The following PCSK5 variants were observed in gnomAD, a reference collection of about 807,000 sequenced individuals.
The protein encoded by PCSK5 is proprotein convertase subtilisin/kexin type 5, also known as prohormone convertase 5.
PCSK5 carries 129 observed loss-of-function variants against 233.2 expected under a neutral mutation model. That is an observed-to-expected ratio of 0.55 (90% CI 0.48 to 0.64). The LOEUF (loss-of-function observed/expected upper bound fraction) is 0.64. Ranked by LOEUF, PCSK5 falls within the 30% of genes least tolerant of loss-of-function variation. PCSK5 has a pLI of 0.00. For synonymous variants in PCSK5, 825 were observed against 879.2 expected (o/e 0.94, Z 1.09); for missense variants, 2,076 against 2,430.1 (o/e 0.85, Z 3.06).
At position 76,026,990 on chromosome 9, in the gene PCSK5, G is replaced by C. The variant is rs529597302; in HGVS notation, c.585G>C (p.Gly195=). 8 of 1,609,044 alleles carry C rather than the reference G, an allele frequency of 5.0e-6. No homozygotes were observed. The highest frequency in any genetic ancestry group is 8.5e-7 in the Non-Finnish European group (1 of 1,177,416). The change falls in exon 5 of 38, where the codon GGG becomes GGC. Residue 195 remains glycine (G), a synonymous_variant. Coordinates refer to ENST00000674117, the MANE Select transcript of PCSK5 (RefSeq NM_001372043.1). ...YDALASCDVN[G]NDLDPMPRYD... is the part of the protein sequence containing the mutation. ...CTCTGGCAAGTTGCGACGTGAATGGGAATGACTTGGACCCAATGCCTCGTT... is the reference window on the plus strand; with the variant it reads ...CTCTGGCAAGTTGCGACGTGAATGGCAATGACTTGGACCCAATGCCTCGTT...
At chr9:75,995,500 T>C (rs1272750590) in intron 3 of PCSK5, among the ~76,000 whole-genome samples, 1 of 152,212 alleles carries the variant, frequency 6.6e-6, no homozygotes, top group Non-Finnish European at 1.5e-5. Flanking sequence ...TTTTTTGGTA[T>C]GTTTTGGAAG....
intron 2 of PCSK5, among the ~76,000 whole-genome samples, chr9:75,936,925 A>G (rs1412407542): frequency 2.6e-5 from 4 of 152,076 alleles, no homozygotes; most frequent in Non-Finnish European, 5.9e-5. Flanking sequence ...ATTACTCCTT[A>G]ATCCATGAAC....
At chr9:76,155,866 G>A (rs967189718) in intron 10 of PCSK5, among the ~76,000 whole-genome samples, 1 of 152,156 alleles carries the variant, frequency 6.6e-6, no homozygotes, top group Non-Finnish European at 1.5e-5. Flanking sequence ...AGAAAGAGGG[G>A]TTGTCAGGCC....
chr9:76,318,205 C>G (rs1426012444), intron 30 of PCSK5, among the ~76,000 whole-genome samples: 4 of 152,024 alleles, frequency 2.6e-5, no homozygotes, highest in African/African-American at 7.3e-5. Context: ...TCTCAGCAAA[C>G]TAACACAGGA....
At chr9:76,295,890 G>A (rs1173639516) in intron 26 of PCSK5, among the ~76,000 whole-genome samples, 7 of 152,222 alleles carry the variant, frequency 4.6e-5, no homozygotes, top group Non-Finnish European at 2.9e-5. Flanking sequence ...CAGCTGAAGA[G>A]GATAATAGCC....
intron 20 of PCSK5, among the ~76,000 whole-genome samples, chr9:76,204,423 T>C (rs1297744001): frequency 1.3e-5 from 2 of 152,110 alleles, no homozygotes; most frequent in East Asian, 1.9e-4. Context: ...CATTTTTCTT[T>C]CTTTTTCTTT....
Position 75,932,486 on chromosome 9 carries a change from A to G in PCSK5, c.297+3A>G, listed in dbSNP as rs764914761. 8 of 1,567,918 alleles carry G rather than the reference A, an allele frequency of 5.1e-6. No homozygotes were observed. Among genetic ancestry groups the G allele is most frequent in the African/African-American group, 1.3e-5 (1 of 74,138 alleles). On this transcript the variant is annotated splice_donor_region_variant and intron_variant, in intron 2 of 37. Transcript: ENST00000674117. ...GTTTCATTTCAATGGAACCAAAGGT[A>G]AGAAGAACCAGTTGCGTGGGGACCA... is the stretch of plus-strand genomic sequence containing the variant.
intron 10 of PCSK5, among the ~76,000 whole-genome samples, chr9:76,134,545 AT>A (rs999890274): frequency 2.0e-5 from 3 of 152,024 alleles, no homozygotes; most frequent in African/African-American, 7.2e-5. Flanking sequence ...GTATTTTAAA[AT>A]TCCTCACCTT....
At chr9:75,915,631 A>G (rs902180161) in intron 1 of PCSK5, among the ~76,000 whole-genome samples, 2 of 152,246 alleles carry the variant, frequency 1.3e-5, no homozygotes, top group African/African-American at 4.8e-5. Context: ...TAAAACAGGC[A>G]ATATCCAGTG....
chr9:75,941,608 T>C (rs1824308728), intron 2 of PCSK5, among the ~76,000 whole-genome samples: 3 of 152,184 alleles, frequency 2.0e-5, no homozygotes, highest in Non-Finnish European at 4.4e-5. Context: ...CAGCTATGAA[T>C]GCGATCATTA....
rs535840436 is a variant in PCSK5 at position 76,070,415 on chromosome 9, C to G, written c.722-1311C>G. ...AAAGACAGTCAAGAGACATTAACAA[C>G]CAAATGCAATGTCTTTAGAGATACA... is the stretch of plus-strand genomic sequence containing the variant. On this transcript the variant is annotated intron_variant, in intron 6 of 37. Transcript: ENST00000674117. Among the ~76,000 whole-genome samples, 11 of 152,246 alleles carry G rather than the reference C, an allele frequency of 7.2e-5. No individual in the cohort carries two copies. The South Asian group carries it at 2.1e-3, about 29-fold the overall frequency.
chr9:76,133,460 A>T (rs1223580447), intron 9 of PCSK5, among the ~76,000 whole-genome samples: 1 of 152,044 alleles, frequency 6.6e-6, no homozygotes, highest in Non-Finnish European at 1.5e-5. Context: ...TAGCCATAAG[A>T]ACTAGGTGTC....
At chr9:75,997,898 T>A (rs1827090036) in intron 3 of PCSK5, among the ~76,000 whole-genome samples, 1 of 152,240 alleles carries the variant, frequency 6.6e-6, no homozygotes, top group Non-Finnish European at 1.5e-5. Context: ...GTCTAGCTTT[T>A]GTTCTACTTC....
intron 29 of PCSK5, among the ~76,000 whole-genome samples, chr9:76,309,443 C>T (rs887250322): frequency 2.6e-5 from 4 of 152,138 alleles, no homozygotes; most frequent in African/African-American, 9.7e-5. Context: ...CCTGTAATCC[C>T]AACACTTTGG....
At chr9:76,180,429 G>T (rs950791804) in intron 15 of PCSK5, among the ~76,000 whole-genome samples, 1 of 152,110 alleles carries the variant, frequency 6.6e-6, no homozygotes, top group African/African-American at 2.4e-5. Context: ...TAGGCCATCA[G>T]TGTGGCAAAG....
chr9:76,176,270 T>C (rs1823610782), intron 14 of PCSK5, among the ~76,000 whole-genome samples: 1 of 152,230 alleles, frequency 6.6e-6, no homozygotes, highest in Non-Finnish European at 1.5e-5. Context: ...ATCCCTTCTT[T>C]TTTTATTAGT....
At chr9:75,950,147 G>GTT (rs751957512) in intron 2 of PCSK5, among the ~76,000 whole-genome samples, 1 of 126,624 alleles carries the variant, frequency 7.9e-6, no homozygotes, top group Non-Finnish European at 1.7e-5. Context: ...GTGTGTGTGG[G>GTT]GGGGGCGGGG....
Position 76,046,160 on chromosome 9 carries a change from G to GTTT in PCSK5, c.632+19156_632+19158dup, listed in dbSNP as rs71372041. ...GCATTAACACATAATTTTTTCTTTT[G>GTTT]TTTTTTTTTTTTTTTTTTTTTTTTT... On this transcript the variant is annotated intron_variant, in intron 5 of 37. Transcript: ENST00000674117. Among the ~76,000 whole-genome samples, 379 of 58,012 alleles carry GTTT rather than the reference G, an allele frequency of 6.5e-3. 61 individuals carry two copies. The highest frequency in any genetic ancestry group is 8.1e-3 in the East Asian group (16 of 1,972). 38.1% of individuals were successfully genotyped at this position (58,012 alleles called of 152,430 possible). A position where few individuals can be genotyped will look rare whatever the true frequency, so the allele number is the denominator to read the frequency against.
At chr9:76,324,897 C>A (rs1829315912) in intron 32 of PCSK5, among the ~76,000 whole-genome samples, 1 of 151,988 alleles carries the variant, frequency 6.6e-6, no homozygotes, top group African/African-American at 2.4e-5. Context: ...ATTCCCCTAA[C>A]AACCGCGAGA....
Sources: gnomAD v4.1 joint callset for allele counts (sites outside exome capture counted in the v4.1 genomes callset) on GRCh38, gnomAD v4.1.1 for gene constraint, MANE v1.5 for transcripts, NCBI Gene and HGNC (gene_info 2026-07-23, HGNC 2026-07-21) for gene names.